ZNF266: variants seen among roughly 807,000 people sequenced by gnomAD.
ZNF266 encodes the protein zinc finger protein 1.
In ZNF266, 16 loss-of-function variants were observed where a neutral mutation model predicts 16.4. The observed-to-expected ratio is 0.98, with a 90% CI of 0.66 to 1.48. The LOEUF is 1.48. Among genes scored for constraint, ZNF266 ranks in the 40% most tolerant of loss-of-function variants. The pLI is 0.00. For synonymous variants in ZNF266, 262 were observed against 237.9 expected (o/e 1.10, Z -0.93); for missense variants, 738 against 689.1 (o/e 1.07, Z -0.79).
Position 9,414,163 on chromosome 19 carries a change from T to G in ZNF266, c.963A>C (p.Gln321His). ...TGTGAGTTTTTCTGTGCTGAGTAAGTTGACAAGACCTGGTGAAGGCTTTCC... is the reference window on the plus strand; with the variant it reads ...TGTGAGTTTTTCTGTGCTGAGTAAGGTGACAAGACCTGGTGAAGGCTTTCC... ...ECGKAFTRSC[Q>H]LTQHRKTHTG... Residue 321 changes from glutamine to histidine, a missense_variant, in exon 11 of 11, where the codon CAA becomes CAC. Gln to His is a conservative substitution (Grantham distance 24). Transcript: ENST00000592904. 1 of 1,613,438 alleles carries G rather than the reference T, an allele frequency of 6.2e-7. No individual in the cohort carries two copies. The highest frequency in any genetic ancestry group is 1.3e-5 in the African/African-American group (1 of 74,860).
intron 5 of ZNF266, among the ~76,000 whole-genome samples, chr19:9,424,220 CAAAAAAAA>C (rs55740067): frequency 1.5e-3 from 181 of 121,574 alleles, no homozygotes; most frequent in East Asian, 1.9e-3. Context: ...AACCAAGAGG[CAAAAAAAA>C]AAAAAAAAAA....
intron 5 of ZNF266, among the ~76,000 whole-genome samples, chr19:9,431,164 G>A (rs1444251741): frequency 6.6e-6 from 1 of 152,174 alleles, no homozygotes; most frequent in Non-Finnish European, 1.5e-5. Context: ...GCAAAAGGGA[G>A]CGTTGCCTGC....
chr19:9,421,292 G>A (rs1049178973), intron 5 of ZNF266, among the ~76,000 whole-genome samples: 4 of 152,158 alleles, frequency 2.6e-5, no homozygotes, highest in Non-Finnish European at 5.9e-5. Context: ...GACTCCTGGT[G>A]TAGATTGTAC....
chr19:9,417,256 C>G (rs986031581), intron 9 of ZNF266, among the ~76,000 whole-genome samples: 1 of 152,062 alleles, frequency 6.6e-6, no homozygotes, highest in Non-Finnish European at 1.5e-5. Context: ...GTAGTCCCGG[C>G]TACTCGGGAG....
chr19:9,428,925 G>A (rs1034224383), intron 5 of ZNF266, among the ~76,000 whole-genome samples: 1 of 151,488 alleles, frequency 6.6e-6, no homozygotes, highest in Non-Finnish European at 1.5e-5. Flanking sequence ...TAAGAGGCAG[G>A]GTCTCGCTAT....
In ZNF266 at chr19:9,414,188, C is replaced by T; in HGVS notation, c.938G>A (p.Gly313Glu). The T allele has an allele frequency of 6.2e-7, 1 of 1,613,926 alleles. No homozygotes were observed. Among genetic ancestry groups the T allele is most frequent in the Non-Finnish European group, 8.5e-7 (1 of 1,179,900 alleles). The change falls in exon 11 of 11, where the codon GGG (glycine) becomes GAG (glutamate). Residue 313 changes from glycine (G) to glutamate (E), a missense_variant. By Grantham distance (98) the Gly-to-Glu change is moderately conservative. Transcript: ENST00000592904. ...TTGACAAGACCTGGTGAAGGCTTTC[C>T]CACACTCCTTACACTCATAGGGATT... ...GDNPYECKEC[G>E]KAFTRSCQLT...
At chr19:9,421,191 T>C (rs2069822906) in intron 5 of ZNF266, among the ~76,000 whole-genome samples, 1 of 152,162 alleles carries the variant, frequency 6.6e-6, no homozygotes. Flanking sequence ...ATGAACCAGA[T>C]ACACCCCCAC....
chr19:9,418,540 A>C lies in ZNF266; in HGVS notation c.200T>G (p.Val67Gly). The change falls in exon 8 of 11, where the codon GTG becomes GGG. Residue 67 changes from valine (V) to glycine (G), a missense_variant. Transcript: ENST00000592904. The part of the protein sequence containing the change: ...DPTQRNLYRD[V>G]MLENYKNLAT... ...CAAATTCTTGTAGTTCTCCAGCATC[A>C]CATCTCTGTAGAGGTTTCTCTGAGT... is the stretch of plus-strand genomic sequence containing the variant. 6.2e-7 allele frequency: 1 copy of C among 1,614,146 alleles called. No homozygotes were observed. The highest frequency in any genetic ancestry group is 8.5e-7 in the Non-Finnish European group (1 of 1,180,006).
chr19:9,433,656 G>T lies in ZNF266; in HGVS notation c.-130+12C>A, dbSNP rs2071980340. On this transcript the variant is annotated intron_variant, in intron 5 of 10. Transcript: ENST00000592904. ...TTCCCTTGATTTACATCATTTGTCAGATATCACTTACTTTGGCCAGGCACA... is the reference window on the plus strand; with the variant it reads ...TTCCCTTGATTTACATCATTTGTCATATATCACTTACTTTGGCCAGGCACA... 1 of 151,880 alleles carries T rather than the reference G, an allele frequency of 6.6e-6. No homozygotes were observed. Among genetic ancestry groups the T allele is most frequent in the African/African-American group, 2.4e-5 (1 of 41,338 alleles). 9.4% of individuals were successfully genotyped at this position (151,880 alleles called of 1,614,324 possible). A position where few individuals can be genotyped will look rare whatever the true frequency, so the allele number is the denominator to read the frequency against.
chr19:9,429,281 A>G (rs887682186), intron 5 of ZNF266, among the ~76,000 whole-genome samples: 1 of 152,148 alleles, frequency 6.6e-6, no homozygotes, highest in Non-Finnish European at 1.5e-5. Context: ...GAGGGTGCAC[A>G]GTCGCCTGGG....
intron 10 of ZNF266, among the ~76,000 whole-genome samples, chr19:9,415,102 C>T (rs1157203711): frequency 6.6e-6 from 1 of 152,206 alleles, no homozygotes; most frequent in African/African-American, 2.4e-5. Flanking sequence ...CAAGACCAGT[C>T]TGGCCAACAT....
At chr19:9,418,448 T>G in intron 8 of ZNF266, 57 bp downstream of exon 8, 1 of 1,574,148 alleles carries the variant, frequency 6.4e-7, no homozygotes, top group South Asian at 1.1e-5. Flanking sequence ...TGCAATACAG[T>G]AAGTACATAA....
At chr19:9,434,569 G>A (rs1208434421) in intron 3 of ZNF266, among the ~76,000 whole-genome samples, 1 of 152,162 alleles carries the variant, frequency 6.6e-6, no homozygotes, top group Non-Finnish European at 1.5e-5. Flanking sequence ...TAGTTTTAAA[G>A]AGACTAAAAG....
Position 9,417,046 on chromosome 19 carries a change from T to C in ZNF266, c.316+782A>G, listed in dbSNP as rs963300152. On this transcript the variant is annotated intron_variant, in intron 9 of 10. Coordinates refer to ENST00000592904, the MANE Select transcript of ZNF266 (RefSeq NM_001370374.1). ...AATGAGTAGACAAAGCGTAAAAGTATGAGAAGTTGAAGATTTCTTAACTTC... is the reference window on the plus strand; with the variant it reads ...AATGAGTAGACAAAGCGTAAAAGTACGAGAAGTTGAAGATTTCTTAACTTC... Among the ~76,000 whole-genome samples, 4 of 152,148 alleles carry C rather than the reference T, an allele frequency of 2.6e-5. No homozygotes were observed. The East Asian group carries it at 7.7e-4, about 29-fold the overall frequency.
chr19:9,416,358 GTTTT>G (rs869191172), intron 9 of ZNF266, among the ~76,000 whole-genome samples: 19 of 117,300 alleles, frequency 1.6e-4, no homozygotes, highest in African/African-American at 7.1e-4. Flanking sequence ...GCTTGTTTTT[GTTTT>G]TTGTTTTTTT....
chr19:9,433,027 G>C (rs2071860032), intron 5 of ZNF266, among the ~76,000 whole-genome samples: 1 of 151,964 alleles, frequency 6.6e-6, no homozygotes, highest in African/African-American at 2.4e-5. Context: ...CATCCTAACA[G>C]CTCAGGGCAC....
In ZNF266 at chr19:9,413,150, A is replaced by G. The variant is rs564678855; in HGVS notation, c.*125T>C. The G allele has an allele frequency of 4.1e-6, 5 of 1,216,968 alleles. No individual in the cohort carries two copies. The highest frequency in any genetic ancestry group is 2.5e-5 in the Admixed American group (1 of 40,084). 75.4% of individuals were successfully genotyped at this position (1,216,968 alleles called of 1,614,324 possible). A position where few individuals can be genotyped will look rare whatever the true frequency, so the allele number is the denominator to read the frequency against. On this transcript the variant is annotated 3_prime_UTR_variant, in exon 11 of 11. Transcript: ENST00000592904. The stretch of plus-strand genomic sequence containing the variant: ...GCAGGGTCTTCTCCACTGTGAATTC[A>G]TATGTGTTCATTAAGACCTGAGATA...
chr19:9,424,534 G>C (rs1428251745), intron 5 of ZNF266, among the ~76,000 whole-genome samples: 1 of 152,222 alleles, frequency 6.6e-6, no homozygotes, highest in Non-Finnish European at 1.5e-5. Context: ...CACTGAAGAA[G>C]TAAACCATGG....
In ZNF266 at chr19:9,413,606, T is replaced by G; in HGVS notation, c.1520A>C (p.Glu507Ala). The stretch of plus-strand genomic sequence containing the variant: ...GGAATGCGTAAATGCTTTACCACAT[T>G]CCAGGCACTCAAAGGGCTTCTCTCC... ...HTGEKPFECL[E>A]CGKAFTHSSS... Residue 507 changes from glutamate to alanine, a missense_variant, in exon 11 of 11, where the codon GAA becomes GCA. Glu to Ala is a moderately radical substitution (Grantham distance 107, BLOSUM62 -1). Coordinates refer to ENST00000592904, the MANE Select transcript of ZNF266 (RefSeq NM_001370374.1). The G allele has an allele frequency of 6.2e-7, 1 of 1,614,174 alleles. No homozygotes were observed.
Sources: gnomAD v4.1 joint callset for allele counts (sites outside exome capture counted in the v4.1 genomes callset) on GRCh38, gnomAD v4.1.1 for gene constraint, MANE v1.5 for transcripts, NCBI Gene and HGNC (gene_info 2026-07-23, HGNC 2026-07-21) for gene names.